The following UBXN4 variants were observed in gnomAD, a reference collection of about 807,000 sequenced individuals.
UBXN4 encodes UBX domain-containing protein 4.
A neutral mutation model predicts 66.2 loss-of-function variants in UBXN4; 35 were observed. The ratio of observed to expected loss-of-function variants is 0.53; its 90% CI spans 0.40 to 0.70. The LOEUF (loss-of-function observed/expected upper bound fraction) is 0.70. Among genes scored for constraint, UBXN4 ranks in the 30% least tolerant of loss-of-function variants. UBXN4 has a pLI of 0.00. For missense variants in UBXN4, 533 were observed against 599.8 expected, an observed-to-expected ratio of 0.89 and a Z score of 1.16; for synonymous variants, 203 against 204.5, an observed-to-expected ratio of 0.99 and a Z score of 0.06.
chr2:135,770,899 T>A (rs767792966), intron 8 of UBXN4, among the ~76,000 whole-genome samples, 164 bp downstream of exon 8: 2 of 152,206 alleles, frequency 1.3e-5, no homozygotes, highest in Non-Finnish European at 2.9e-5. Flanking sequence ...ATAGTTAAGA[T>A]TAAAATTGAG....
chr2:135,768,674 C>G (rs1337653724), intron 6 of UBXN4, among the ~76,000 whole-genome samples: 3 of 151,962 alleles, frequency 2.0e-5, no homozygotes, highest in African/African-American at 4.8e-5. Context: ...AGCGATTCTC[C>G]TGTCTCAGCC....
chr2:135,765,308 C>G (rs1306737639), intron 6 of UBXN4, among the ~76,000 whole-genome samples: 4 of 151,840 alleles, frequency 2.6e-5, no homozygotes, highest in African/African-American at 7.3e-5. Flanking sequence ...CTCCCAGATT[C>G]AAGCGATTCT....
chr2:135,769,097 G>A (rs944878419), intron 6 of UBXN4, among the ~76,000 whole-genome samples: 1 of 152,096 alleles, frequency 6.6e-6, no homozygotes, highest in African/African-American at 2.4e-5. Context: ...CGACCTCCCG[G>A]CTCAAGCAAT....
intron 8 of UBXN4, among the ~76,000 whole-genome samples, chr2:135,772,123 C>G (rs942394542): frequency 6.6e-6 from 1 of 151,944 alleles, no homozygotes; most frequent in South Asian, 2.1e-4. Flanking sequence ...AGTATAAGAT[C>G]AGCCTGGGCA....
At chr2:135,754,792 T>A (rs1434910742) in intron 4 of UBXN4, among the ~76,000 whole-genome samples, 1 of 152,076 alleles carries the variant, frequency 6.6e-6, no homozygotes, top group African/African-American at 2.4e-5. Flanking sequence ...CCTTTCTTTA[T>A]TTTTTTATTT....
At chr2:135,769,711 T>G in intron 6 of UBXN4, 58 bp from the exon 7 acceptor site, 1 of 1,260,484 alleles carries the variant, frequency 7.9e-7, no homozygotes. Context: ...CTCCTAAATG[T>G]GTTTTATATT....
chr2:135,768,857 G>A lies in UBXN4; in HGVS notation c.603-912G>A, dbSNP rs969193005. ...GGATTGATTACAGGTTTGAGCCACCGTGCCCAGCCTGATTTTTTATTTTTT... is the reference window on the plus strand; with the variant it reads ...GGATTGATTACAGGTTTGAGCCACCATGCCCAGCCTGATTTTTTATTTTTT... On this transcript the variant is annotated intron_variant, in intron 6 of 12. Coordinates refer to ENST00000272638, the MANE Select transcript of UBXN4 (RefSeq NM_014607.4). Among the ~76,000 whole-genome samples the A allele has an allele frequency of 3.0e-4, 46 of 151,936 alleles. 1 individual carries two copies. Among genetic ancestry groups the A allele is most frequent in the African/African-American group, 1.1e-3 (45 of 41,370 alleles).
chr2:135,781,802 G>A (rs1227446283), intron 12 of UBXN4, among the ~76,000 whole-genome samples: 1 of 152,206 alleles, frequency 6.6e-6, no homozygotes, highest in Non-Finnish European at 1.5e-5. Context: ...GCTGGGTGTG[G>A]TACCTCATAC....
chr2:135,770,732 A>T lies in UBXN4; in HGVS notation c.819A>T (p.Ala273=). The change falls in exon 8 of 13, where the codon GCA becomes GCT. Residue 273 remains alanine, a synonymous_variant. Transcript: ENST00000272638. ...AARERIKQQI[A]LDRAERAARF... ...GAGAACGTATAAAACAGCAGATTGC[A>T]TTGGTAAGTCTTAAGTTTCCAGACA... 1.3e-6 allele frequency: 2 copies of T among 1,509,884 alleles called. No individual in the cohort carries two copies. The highest frequency in any genetic ancestry group is 1.8e-6 in the Non-Finnish European group (2 of 1,135,892). The allele number at this position is 1,509,884 out of a possible 1,614,324, so 93.5% of individuals were successfully genotyped here.
intron 9 of UBXN4, among the ~76,000 whole-genome samples, chr2:135,774,377 GTAAAACTA>G (rs913213856): frequency 6.6e-6 from 1 of 152,020 alleles, no homozygotes; most frequent in African/African-American, 2.4e-5. Context: ...CTACCAAAAA[GTAAAACTA>G]TAAAATATAT....
intron 2 of UBXN4, among the ~76,000 whole-genome samples, chr2:135,751,772 A>AT (rs1179209115): frequency 1.3e-5 from 2 of 151,118 alleles, no homozygotes; most frequent in Non-Finnish European, 3.0e-5. Context: ...TTTTTTCTTG[A>AT]TTTTTTACTA....
At chr2:135,759,451 C>T (rs1290994703) in intron 5 of UBXN4, among the ~76,000 whole-genome samples, 1 of 152,210 alleles carries the variant, frequency 6.6e-6, no homozygotes, top group East Asian at 1.9e-4. Flanking sequence ...TAGATTTCTG[C>T]TCTCCCTGGT....
At chr2:135,766,920 TTC>T (rs1422424483) in intron 6 of UBXN4, among the ~76,000 whole-genome samples, 3 of 152,220 alleles carry the variant, frequency 2.0e-5, no homozygotes, top group African/African-American at 4.8e-5. Context: ...ATTTTTCTCA[TTC>T]TGTTTTTTTC....
chr2:135,744,725 G>T (rs149803715), intron 1 of UBXN4, among the ~76,000 whole-genome samples: 1 of 152,078 alleles, frequency 6.6e-6, no homozygotes, highest in Non-Finnish European at 1.5e-5. Flanking sequence ...GGATACTGCC[G>T]ATACAAAGGA....
At chr2:135,752,057 C>CT (rs11412755) in intron 2 of UBXN4, among the ~76,000 whole-genome samples, 147,293 of 151,602 alleles carry the variant, frequency 0.97, 71,671 homozygotes, top group Non-Finnish European at 1. Context: ...TTTTTCTTTT[C>CT]TTTTTTTTGA....
At chr2:135,782,671 T>C in intron 12 of UBXN4, 78 bp from the exon 13 acceptor site, 1 of 1,547,910 alleles carries the variant, frequency 6.5e-7, no homozygotes, top group Non-Finnish European at 8.7e-7. Flanking sequence ...CCTGTACTGA[T>C]GGAAGTTGGA....
intron 9 of UBXN4, among the ~76,000 whole-genome samples, chr2:135,773,862 CATT>C (rs985047700): frequency 6.6e-6 from 1 of 151,966 alleles, no homozygotes; most frequent in African/African-American, 2.4e-5. Context: ...AATGACAAAA[CATT>C]GTTGAAAGAT....
rs766206291 is a variant in UBXN4, at chr2:135,779,089, T to C, written c.1185+10T>C. 4.5e-5 allele frequency: 71 copies of C among 1,569,940 alleles called. 1 individual carries two copies. In the Middle Eastern group the frequency reaches 6.8e-4, roughly 15 times the overall value. ...GGTGGTACTGTTGCCAGTATGTATA[T>C]ACAGATGCATTTTTTTCTCTTCTTA... On this transcript the variant is annotated intron_variant, in intron 11 of 12. Coordinates refer to ENST00000272638, the MANE Select transcript of UBXN4 (RefSeq NM_014607.4).
intron 2 of UBXN4, among the ~76,000 whole-genome samples, chr2:135,752,385 T>C (rs140205267): frequency 0.032 from 4,829 of 152,268 alleles, 237 homozygotes; most frequent in African/African-American, 0.11. Flanking sequence ...TTTCGCCATG[T>C]TGGCCAGGCT....
Sources: allele counts gnomAD v4.1 joint callset (sites outside exome capture counted in the v4.1 genomes callset), GRCh38; gene constraint gnomAD v4.1.1; transcripts MANE v1.5; gene names NCBI Gene and HGNC (gene_info 2026-07-23, HGNC 2026-07-21).